CCDC149: variants seen among roughly 807,000 people sequenced by gnomAD.
CCDC149 encodes coiled-coil domain containing 149, also known as coiled-coil domain-containing protein 149.
CCDC149 carries 45 observed loss-of-function variants against 59.9 expected under a neutral mutation model. That is an observed-to-expected ratio of 0.75 (90% CI 0.59 to 0.96). CCDC149 has a LOEUF of 0.96. CCDC149 is among the 40% of genes least tolerant of loss of function. CCDC149 has a pLI of 0.00. For missense variants in CCDC149, 584 were observed against 664.7 expected, an observed-to-expected ratio of 0.88 and a Z score of 1.33; for synonymous variants, 245 against 260.6, an observed-to-expected ratio of 0.94 and a Z score of 0.58.
intron 3 of CCDC149, among the ~76,000 whole-genome samples, chr4:24,862,231 G>A (rs1718429961): frequency 6.6e-6 from 1 of 152,280 alleles, no homozygotes; most frequent in African/African-American, 2.4e-5. Flanking sequence ...AAGACCTGAC[G>A]AGAAATTGAA....
At position 24,954,795 on chromosome 4, in the gene CCDC149, A is replaced by C. The variant is rs149831356; in HGVS notation, c.-65+25274T>G. ...AAAATGCCTTCAGTGTCATTCTCCCACTGTCTTGATGAATAGCACCTGGGT... is the reference window on the plus strand; with the variant it reads ...AAAATGCCTTCAGTGTCATTCTCCCCCTGTCTTGATGAATAGCACCTGGGT... On this transcript the variant is annotated intron_variant, in intron 1 of 12. Transcript: ENST00000389609. Among the ~76,000 whole-genome samples, 547 of 152,192 alleles carry C rather than the reference A, an allele frequency of 3.6e-3. 1 individual carries two copies. Among genetic ancestry groups the C allele is most frequent in the African/African-American group, 0.013 (521 of 41,542 alleles).
At chr4:24,893,612 A>ATTTTTTTTTT (rs1560241640) in intron 1 of CCDC149, among the ~76,000 whole-genome samples, 28 of 9,360 alleles carry the variant, frequency 3.0e-3, no homozygotes, top group East Asian at 4.1e-3. Flanking sequence ...TAAAATACAG[A>ATTTTTTTTTT]CTTTTTTTTT....
chr4:24,831,452 C>T (rs775887124), intron 9 of CCDC149, 54 bp downstream of exon 9: 20 of 1,592,430 alleles, frequency 1.3e-5, no homozygotes, highest in East Asian at 2.3e-5. Flanking sequence ...CTTCTGGTAG[C>T]CTCGTCCCAC....
At chr4:24,961,796 T>A (rs1481365053) in intron 1 of CCDC149, among the ~76,000 whole-genome samples, 1 of 152,164 alleles carries the variant, frequency 6.6e-6, no homozygotes, top group Non-Finnish European at 1.5e-5. Context: ...TTACACCTTA[T>A]ATAAAAATTA....
upstream of CCDC149, among the ~76,000 whole-genome samples, chr4:24,914,341 T>C (rs565862146): frequency 6.8e-6 from 1 of 147,284 alleles, no homozygotes; most frequent in African/African-American, 2.5e-5. Context: ...TGCTCAGTCA[T>C]GTAACTTGCT....
intron 2 of CCDC149, 30 bp from the exon 3 acceptor site, chr4:24,873,749 CT>C: frequency 6.4e-7 from 1 of 1,572,938 alleles, no homozygotes; most frequent in Non-Finnish European, 8.7e-7. Context: ...GCATTTTACT[CT>C]TTTAGAAAAA....
chr4:24,927,226 G>A (rs1221039070), intron 1 of CCDC149, among the ~76,000 whole-genome samples: 2 of 152,190 alleles, frequency 1.3e-5, no homozygotes, highest in African/African-American at 4.8e-5. Context: ...TACTGACGAA[G>A]CAGAACTGAA....
At chr4:24,850,021 G>A (rs1235078492) in intron 4 of CCDC149, among the ~76,000 whole-genome samples, 2 of 152,148 alleles carry the variant, frequency 1.3e-5, no homozygotes, top group Non-Finnish European at 2.9e-5. Context: ...CCCCTCTGTT[G>A]GGACAGTTTG....
At chr4:24,804,486 C>CAAAAAAA (rs397796144), downstream of CCDC149, among the ~76,000 whole-genome samples, 3 of 57,116 alleles carry the variant, frequency 5.3e-5, no homozygotes, top group Non-Finnish European at 1.1e-4. Flanking sequence ...GTGAGACTCT[C>CAAAAAAA]AAAAAAAAAA....
intron 3 of CCDC149, among the ~76,000 whole-genome samples, chr4:24,872,332 G>T (rs1220935612): frequency 6.6e-6 from 1 of 152,188 alleles, no homozygotes; most frequent in African/African-American, 2.4e-5. Context: ...GTGTGAAGTG[G>T]CAGAACCTAA....
At chr4:24,923,217 T>G (rs1029326272) in intron 1 of CCDC149, among the ~76,000 whole-genome samples, 2 of 152,192 alleles carry the variant, frequency 1.3e-5, no homozygotes, top group African/African-American at 4.8e-5. Flanking sequence ...GGTTAATATT[T>G]TGCTTACTTC....
intron 3 of CCDC149, among the ~76,000 whole-genome samples, chr4:24,854,546 C>A (rs1560219326): frequency 6.6e-6 from 1 of 152,166 alleles, no homozygotes; most frequent in East Asian, 1.9e-4. Flanking sequence ...TCCCTTCCTG[C>A]TGCAGCTGAA....
chr4:24,869,018 G>A, intron 3 of CCDC149, among the ~76,000 whole-genome samples: 1 of 152,188 alleles, frequency 6.6e-6, no homozygotes, highest in East Asian at 1.9e-4. Flanking sequence ...GTCCAGCACA[G>A]CAGCCGGCAC....
intron 1 of CCDC149, among the ~76,000 whole-genome samples, chr4:24,924,541 C>A (rs1356679818): frequency 6.6e-6 from 1 of 152,122 alleles, no homozygotes; most frequent in Non-Finnish European, 1.5e-5. Flanking sequence ...CTTTTGCATG[C>A]CTGACACCTA....
intron 3 of CCDC149, among the ~76,000 whole-genome samples, chr4:24,856,716 T>C (rs933080335): frequency 6.6e-6 from 1 of 152,252 alleles, no homozygotes; most frequent in Non-Finnish European, 1.5e-5. Flanking sequence ...CGTTTCCTGG[T>C]TCCCCCTCTC....
At chr4:24,967,022 G>A (rs1041170444) in intron 1 of CCDC149, among the ~76,000 whole-genome samples, 6 of 152,204 alleles carry the variant, frequency 3.9e-5, no homozygotes, top group Non-Finnish European at 8.8e-5. Flanking sequence ...TGACAGTTAT[G>A]GAGGACGGTC....
chr4:24,932,521 AC>A (rs1722624996), intron 1 of CCDC149, among the ~76,000 whole-genome samples: 1 of 152,104 alleles, frequency 6.6e-6, no homozygotes, highest in Non-Finnish European at 1.5e-5. Flanking sequence ...TGCTTAAGAG[AC>A]TGTTAAATTG....
At chr4:24,965,045 TA>T (rs1441500318) in intron 1 of CCDC149, among the ~76,000 whole-genome samples, 1 of 151,026 alleles carries the variant, frequency 6.6e-6, no homozygotes, top group Non-Finnish European at 1.5e-5. Context: ...TTAAAAATGG[TA>T]AAAGGAAGTT....
At chr4:24,977,472 C>G (rs530283744) in intron 1 of CCDC149, among the ~76,000 whole-genome samples, 1 of 152,156 alleles carries the variant, frequency 6.6e-6, no homozygotes, top group African/African-American at 2.4e-5. Context: ...TATAGTTAAG[C>G]CAGTTTGAAT....
Sources: allele counts gnomAD v4.1 joint callset (sites outside exome capture counted in the v4.1 genomes callset), GRCh38; gene constraint gnomAD v4.1.1; transcripts MANE v1.5; gene names NCBI Gene and HGNC (gene_info 2026-07-23, HGNC 2026-07-21).